Variants in RABGEF1 observed in about 807,000 individuals in gnomAD.
RABGEF1 encodes rab5 GDP/GTP exchange factor.
In RABGEF1, 26 loss-of-function variants were observed where a neutral mutation model predicts 57.3. That is an observed-to-expected ratio of 0.45 (90% CI 0.33 to 0.63). The LOEUF is 0.63. RABGEF1 is among the 20% of genes least tolerant of loss of function. The pLI is 0.02. For synonymous variants in RABGEF1, 185 were observed against 210.7 expected, an observed-to-expected ratio of 0.88 and a Z score of 1.06; for missense variants, 464 against 607.6, an observed-to-expected ratio of 0.76 and a Z score of 2.48.
At chr7:66,696,725 G>A (rs972635511) in intron 1 of RABGEF1, among the ~76,000 whole-genome samples, 2 of 151,540 alleles carry the variant, frequency 1.3e-5, no homozygotes, top group Non-Finnish European at 2.9e-5. Flanking sequence ...AAAATGGAGC[G>A]TGGTCATGTG....
chr7:66,679,528 A>G (rs777978999), upstream of RABGEF1, among the ~76,000 whole-genome samples: 1 of 152,146 alleles, frequency 6.6e-6, no homozygotes, highest in Non-Finnish European at 1.5e-5. Context: ...GGGGTTGCCC[A>G]GGCTGGTCTC....
chr7:66,741,855 C>T (rs1165314620), intron 1 of RABGEF1, among the ~76,000 whole-genome samples: 2 of 151,934 alleles, frequency 1.3e-5, no homozygotes, highest in East Asian at 3.9e-4. Flanking sequence ...GAGTGTGTTC[C>T]GGCCGGGTGC....
intron 1 of RABGEF1, among the ~76,000 whole-genome samples, chr7:66,692,382 A>G (rs564059197): frequency 6.6e-6 from 1 of 152,078 alleles, no homozygotes; most frequent in Non-Finnish European, 1.5e-5. Context: ...CACCTACAGC[A>G]TTGTCTTAAG....
upstream of RABGEF1, among the ~76,000 whole-genome samples, chr7:66,737,756 C>G (rs1286629525): frequency 6.6e-6 from 1 of 152,098 alleles, no homozygotes; most frequent in Non-Finnish European, 1.5e-5. Flanking sequence ...TACTTGTGAG[C>G]CTGAGGTGGG....
In RABGEF1 at chr7:66,795,555, C is replaced by T; in HGVS notation, c.558C>T (p.Tyr186=). 6.2e-7 allele frequency: 1 copy of T among 1,612,460 alleles called. No homozygotes were observed. The highest frequency in any genetic ancestry group is 1.1e-5 in the South Asian group (1 of 91,060). The change falls in exon 5 of 9, where the codon TAC becomes TAT. Residue 186 remains tyrosine (Y), a synonymous_variant. Transcript: ENST00000284957. Reference sequence around the variant, plus strand: ...AGTCAGAGTGTGCTCAGGATTTCTACCACAATGTGGCCGAAAGGATGCAAA... The same window carrying T: ...AGTCAGAGTGTGCTCAGGATTTCTATCACAATGTGGCCGAAAGGATGCAAA... ...EEQSECAQDF[Y]HNVAERMQTR...
At chr7:66,791,565 C>T (rs1362546629) in intron 4 of RABGEF1, among the ~76,000 whole-genome samples, 1 of 152,086 alleles carries the variant, frequency 6.6e-6, no homozygotes, top group Admixed American at 6.5e-5. Context: ...ACTTAATGAA[C>T]CCATAAAATA....
intron 2 of RABGEF1, among the ~76,000 whole-genome samples, chr7:66,724,652 C>T: frequency 6.6e-6 from 1 of 152,216 alleles, no homozygotes; most frequent in East Asian, 1.9e-4. Context: ...GCCACTGCAC[C>T]TGGCCTGAAT....
Position 66,721,420 on chromosome 7 carries a change from G to A in RABGEF1, c.-815+9196G>A, listed in dbSNP as rs566211112. Among the ~76,000 whole-genome samples the A allele has an allele frequency of 3.9e-5, 6 of 152,276 alleles. No individual in the cohort carries two copies. The South Asian group carries it at 8.3e-4, about 21-fold the overall frequency. On this transcript the variant is annotated intron_variant and NMD_transcript_variant, in intron 2 of 9. Coordinates refer to the RABGEF1 transcript ENST00000607882. ...TCAAGATGTCACAGATTCGCCTTCT[G>A]GAGGCTCTTGGGGGAGATGCTTGCC...
intron 1 of RABGEF1, among the ~76,000 whole-genome samples, chr7:66,707,517 G>T (rs1161937222): frequency 6.6e-6 from 1 of 152,088 alleles, no homozygotes; most frequent in Non-Finnish European, 1.5e-5. Flanking sequence ...GGGAAACCCT[G>T]TCTCTACTAA....
intron 2 of RABGEF1, among the ~76,000 whole-genome samples, chr7:66,717,905 C>T (rs1396911342): frequency 6.6e-6 from 1 of 152,158 alleles, no homozygotes; most frequent in African/African-American, 2.4e-5. Context: ...CGGTCATGCA[C>T]ATTCTGTTAC....
At chr7:66,698,564 G>T (rs1792713190) in intron 1 of RABGEF1, among the ~76,000 whole-genome samples, 1 of 152,184 alleles carries the variant, frequency 6.6e-6, no homozygotes, top group African/African-American at 2.4e-5. Flanking sequence ...CAGGGTCTCT[G>T]GGCAGGGAGG....
chr7:66,747,527 T>C (rs1247257516), intron 1 of RABGEF1, among the ~76,000 whole-genome samples: 1 of 152,244 alleles, frequency 6.6e-6, no homozygotes, highest in African/African-American at 2.4e-5. Context: ...GTCTGTATGC[T>C]AAAATTAAAA....
At chr7:66,795,901 G>T (rs935015930) in intron 5 of RABGEF1, among the ~76,000 whole-genome samples, 1 of 152,216 alleles carries the variant, frequency 6.6e-6, no homozygotes, top group East Asian at 1.9e-4. Context: ...CACTTTGGGA[G>T]GCTAAAGCAG....
chr7:66,723,220 C>T (rs1584941139), intron 2 of RABGEF1, among the ~76,000 whole-genome samples: 1 of 152,296 alleles, frequency 6.6e-6, no homozygotes, highest in South Asian at 2.1e-4. Flanking sequence ...CTGCCTGCCT[C>T]AGCCTCCCAA....
At chr7:66,674,764 A>C in the RABGEF1 span, among the ~76,000 whole-genome samples, 13 of 152,096 alleles carry the variant, frequency 8.5e-5, 1 homozygote, top group South Asian at 1.2e-3. Context: ...ATCTTTACTG[A>C]TCTAGGAGAA....
At chr7:66,655,451 A>T in the RABGEF1 span, among the ~76,000 whole-genome samples, 1 of 152,200 alleles carries the variant, frequency 6.6e-6, no homozygotes, top group Non-Finnish European at 1.5e-5. Context: ...AAATTTTCCC[A>T]GGACGAGTTT....
chr7:66,714,859 C>T (rs1180152723), intron 2 of RABGEF1, among the ~76,000 whole-genome samples: 8 of 152,226 alleles, frequency 5.3e-5, no homozygotes, highest in East Asian at 1.9e-4. Context: ...GGTGTGAACC[C>T]GGGAGGCGGA....
chr7:66,678,121 T>G (rs1408511598), upstream of RABGEF1, among the ~76,000 whole-genome samples: 2 of 151,938 alleles, frequency 1.3e-5, no homozygotes, highest in Non-Finnish European at 2.9e-5. Flanking sequence ...TAAAATTTAG[T>G]CTCAACATCT....
intron 1 of RABGEF1, among the ~76,000 whole-genome samples, chr7:66,691,659 A>G (rs1791536700): frequency 6.6e-6 from 1 of 152,162 alleles, no homozygotes; most frequent in Non-Finnish European, 1.5e-5. Flanking sequence ...GTATCCAATA[A>G]ATTACATGAG....
Sources: gnomAD v4.1 joint callset for allele counts (sites outside exome capture counted in the v4.1 genomes callset) on GRCh38, gnomAD v4.1.1 for gene constraint, MANE v1.5 for transcripts, NCBI Gene and HGNC (gene_info 2026-07-23, HGNC 2026-07-21) for gene names.